Variants in ANP32B observed in about 807,000 individuals in gnomAD.
ANP32B encodes acidic leucine-rich nuclear phosphoprotein 32 family member B.
ANP32B carries 6 observed loss-of-function variants against 32.2 expected under a neutral mutation model. The observed-to-expected ratio is 0.19, with a 90% CI of 0.10 to 0.37. The LOEUF is 0.37. Among genes scored for constraint, ANP32B ranks in the 10% least tolerant of loss-of-function variants. The pLI, the probability that ANP32B is intolerant of heterozygous loss-of-function variation, is 1.00. For synonymous variants in ANP32B, 98 were observed against 105.8 expected, an observed-to-expected ratio of 0.93 and a Z score of 0.45; for missense variants, 204 against 289.2, an observed-to-expected ratio of 0.71 and a Z score of 2.14.
chr9:97,984,798 C>A (rs1378198080), intron 1 of ANP32B: 3 of 150,544 alleles, frequency 2.0e-5, no homozygotes, highest in Non-Finnish European at 4.4e-5. Context: ...GACCCCCTCC[C>A]CCTTCTTAAA....
rs1026666022 is a variant in ANP32B, at chr9:97,985,438, C to G, written c.54+1829C>G. Among the ~76,000 whole-genome samples, 34 of 152,172 alleles carry G rather than the reference C, an allele frequency of 2.2e-4. 1 individual carries two copies. The highest frequency in any genetic ancestry group is 2.2e-3 in the Admixed American group (34 of 15,286). On this transcript the variant is annotated intron_variant, in intron 1 of 6. Transcript: ENST00000339399. Reference sequence around the variant, plus strand: ...GCGGGCGTGCGTTCTTCCGACCTTCCGTCAGACATTTTGTGCCCGCCACGT... The same window carrying G: ...GCGGGCGTGCGTTCTTCCGACCTTCGGTCAGACATTTTGTGCCCGCCACGT...
At position 98,014,521 on chromosome 9, in the gene ANP32B, G is replaced by C. The variant is rs995193556; in HGVS notation, c.689-843G>C. Among the ~76,000 whole-genome samples the C allele has an allele frequency of 2.0e-5, 3 of 151,960 alleles. 1 individual carries two copies. In the South Asian group the frequency reaches 6.2e-4, roughly 32 times the overall value. ...GTCTATATGTAAGTCTCTGTGTCTC[G>C]ACTACATAATACTCTTAAGAATTTC... is the stretch of plus-strand genomic sequence containing the variant. On this transcript the variant is annotated intron_variant, in intron 6 of 6. Coordinates refer to ENST00000339399, the MANE Select transcript of ANP32B (RefSeq NM_006401.3).
rs1587873720 is a variant in ANP32B at position 97,995,369 on chromosome 9, A to C, written c.204+589A>C. 2.0e-5 allele frequency among the ~76,000 whole-genome samples: 3 copies of C among 152,182 alleles called. No individual in the cohort carries two copies. In the East Asian group the frequency reaches 5.8e-4, roughly 29 times the overall value. On this transcript the variant is annotated intron_variant, in intron 2 of 6. Transcript: ENST00000339399. ...TAGAACCCGTATCTCCTAACCCCAT[A>C]CCCTTCCCATTATATAGGAAAAGAT...
At chr9:97,984,054 C>T (rs1827652103) in intron 1 of ANP32B, among the ~76,000 whole-genome samples, 1 of 149,816 alleles carries the variant, frequency 6.7e-6, no homozygotes, top group South Asian at 2.1e-4. Flanking sequence ...CGCCCCGGGC[C>T]GGCCGGGGAA....
intron 1 of ANP32B, chr9:97,987,720 A>T (rs901411765): frequency 6.6e-6 from 1 of 152,214 alleles, no homozygotes; most frequent in Non-Finnish European, 1.5e-5. Flanking sequence ...TATATGCTGG[A>T]CTGTGACATT....
At chr9:97,988,024 A>G (rs1473762827) in intron 1 of ANP32B, among the ~76,000 whole-genome samples, 1 of 152,218 alleles carries the variant, frequency 6.6e-6, no homozygotes, top group Non-Finnish European at 1.5e-5. Context: ...GACATCATAC[A>G]TGCCTAACGT....
At chr9:97,996,345 G>C (rs1354987433) in intron 2 of ANP32B, among the ~76,000 whole-genome samples, 1 of 152,140 alleles carries the variant, frequency 6.6e-6, no homozygotes, top group Non-Finnish European at 1.5e-5. Context: ...TTTTTATAGG[G>C]ACTTTAATAA....
intron 3 of ANP32B, among the ~76,000 whole-genome samples, chr9:98,004,168 G>C (rs1003245273): frequency 6.6e-6 from 1 of 152,196 alleles, no homozygotes; most frequent in Admixed American, 6.5e-5. Flanking sequence ...CAGAAAACTT[G>C]ACTTGGGCCA....
chr9:97,999,879 C>T (rs938889399), intron 3 of ANP32B, among the ~76,000 whole-genome samples: 10 of 152,114 alleles, frequency 6.6e-5, no homozygotes, highest in African/African-American at 2.2e-4. Flanking sequence ...TAGGAGGTGT[C>T]TTTGAGAATC....
Position 97,983,739 on chromosome 9 carries a change from G to T in ANP32B, c.54+130G>T, listed in dbSNP as rs576958684. The T allele has an allele frequency of 1.0e-5, 7 of 666,914 alleles. No homozygotes were observed. In the South Asian group the frequency reaches 3.8e-4, roughly 37 times the overall value. 41.3% of individuals were successfully genotyped at this position (666,914 alleles called of 1,614,324 possible). On this transcript the variant is annotated intron_variant, in intron 1 of 6. Transcript: ENST00000339399. Reference sequence around the variant, plus strand: ...GAGCGCAGCTCGTGGGCTCGGACGGGGAAGGCGGGCGGGCGCGGAGGGGGG... The same window carrying T: ...GAGCGCAGCTCGTGGGCTCGGACGGTGAAGGCGGGCGGGCGCGGAGGGGGG...
At chr9:97,990,375 G>A (rs1160907495) in intron 1 of ANP32B, among the ~76,000 whole-genome samples, 4 of 152,236 alleles carry the variant, frequency 2.6e-5, no homozygotes, top group Non-Finnish European at 5.9e-5. Flanking sequence ...GTTGGCTGAT[G>A]GAACATTTAG....
chr9:98,009,962 C>T (rs79090512), intron 4 of ANP32B, among the ~76,000 whole-genome samples: 80 of 152,270 alleles, frequency 5.3e-4, no homozygotes, highest in African/African-American at 1.9e-3. Flanking sequence ...TAGGACATCT[C>T]ACTTATTTCC....
intron 1 of ANP32B, among the ~76,000 whole-genome samples, chr9:97,984,868 T>TTCGGC (rs1412779302): frequency 6.7e-6 from 1 of 150,132 alleles, no homozygotes; most frequent in East Asian, 2.0e-4. Flanking sequence ...TTGGGCGGGC[T>TTCGGC]TCGGCTCGGC....
At chr9:98,005,519 C>T (rs971701553) in intron 4 of ANP32B, among the ~76,000 whole-genome samples, 2 of 144,294 alleles carry the variant, frequency 1.4e-5, no homozygotes, top group African/African-American at 5.1e-5. Flanking sequence ...CAGGGTGTCT[C>T]AAAAAAAAAA....
chr9:97,999,982 T>C (rs904638808), intron 3 of ANP32B, among the ~76,000 whole-genome samples: 1 of 152,238 alleles, frequency 6.6e-6, no homozygotes, highest in Non-Finnish European at 1.5e-5. Flanking sequence ...ACATCACTTG[T>C]ATAGAATGCT....
chr9:97,993,582 G>T (rs1344311275), intron 1 of ANP32B, among the ~76,000 whole-genome samples: 1 of 152,174 alleles, frequency 6.6e-6, no homozygotes, highest in Non-Finnish European at 1.5e-5. Context: ...GGATTATTGT[G>T]GTGGATCTGC....
intron 1 of ANP32B, 84 bp downstream of exon 1, chr9:97,983,693 C>G (rs1189428512): frequency 8.6e-7 from 1 of 1,161,438 alleles, no homozygotes; most frequent in Non-Finnish European, 1.2e-6. Context: ...GCTGAGGGTT[C>G]GCCGGCCCCG....
At chr9:97,998,221 C>G (rs1827934858) in intron 2 of ANP32B, among the ~76,000 whole-genome samples, 1 of 152,184 alleles carries the variant, frequency 6.6e-6, no homozygotes, top group South Asian at 2.1e-4. Flanking sequence ...ACCATTTACC[C>G]TTTCTGGCAG....
chr9:97,991,955 C>T (rs1827831349), intron 1 of ANP32B, among the ~76,000 whole-genome samples: 1 of 152,208 alleles, frequency 6.6e-6, no homozygotes, highest in African/African-American at 2.4e-5. Context: ...ACACAAACCT[C>T]TGTACAATAT....
Sources: allele counts gnomAD v4.1 joint callset (sites outside exome capture counted in the v4.1 genomes callset), GRCh38; gene constraint gnomAD v4.1.1; transcripts MANE v1.5; gene names NCBI Gene and HGNC (gene_info 2026-07-23, HGNC 2026-07-21).